The following TERT variants were observed in gnomAD, a reference collection of about 807,000 sequenced individuals.
TERT encodes telomerase catalytic subunit.
Under a neutral mutation model 104.0 loss-of-function variants are expected in TERT, and 42 were observed. The observed-to-expected ratio is 0.40, with a 90% CI of 0.32 to 0.52. The LOEUF (loss-of-function observed/expected upper bound fraction) is 0.52. Among genes scored for constraint, TERT ranks in the 20% least tolerant of loss-of-function variants. The probability of loss-of-function intolerance (pLI) is 0.43; values close to 1 mark genes in which losing one functional copy is unlikely to be tolerated. For synonymous variants in TERT, 781 were observed against 725.6 expected, an observed-to-expected ratio of 1.08 and a Z score of -1.23; for missense variants, 1,101 against 1,610.3, an observed-to-expected ratio of 0.68 and a Z score of 5.41.
chr5:1,279,174 T>C, intron 5 of TERT, 117 bp downstream of exon 5: 1 of 1,195,866 alleles, frequency 8.4e-7, no homozygotes, highest in Non-Finnish European at 1.2e-6. Flanking sequence ...AGTGACAGGG[T>C]CACCTGCACT....
rs33988305 is a variant in TERT, at chr5:1,268,465, C to T, written c.2582+55G>A. 4,046 of 1,304,168 alleles carry T rather than the reference C, an allele frequency of 3.1e-3. 113 individuals carry two copies. In the African/African-American group the frequency reaches 0.054, roughly 17 times the overall value. 80.8% of individuals were successfully genotyped at this position (1,304,168 alleles called of 1,614,324 possible). ...GCACCAGGAATATTAACACTGAATG[C>T]ATCAAAAGCAAATCAACCCCCACCC... On this transcript the variant is annotated intron_variant, in intron 9 of 15. Transcript: ENST00000310581. The surrounding 1 kb of genome is among the most constrained non-coding windows in gnomAD (Gnocchi z 5.5).
At chr5:1,276,805 A>G (rs764791683) in intron 6 of TERT, among the ~76,000 whole-genome samples, 14 of 152,254 alleles carry the variant, frequency 9.2e-5, no homozygotes, top group Admixed American at 5.9e-4. Context: ...TCCTGCAGAG[A>G]ACACAAACAG....
intron 6 of TERT, among the ~76,000 whole-genome samples, chr5:1,272,586 T>C (rs6885542): frequency 0.62 from 10,113 of 16,324 alleles, 2,689 homozygotes; most frequent in East Asian, 0.78. Context: ...CATCAGACCC[T>C]ACGACCGCCA....
At chr5:1,271,014 C>T in intron 8 of TERT, 105 bp downstream of exon 8, 1 of 923,402 alleles carries the variant, frequency 1.1e-6, no homozygotes, top group South Asian at 1.5e-5. Flanking sequence ...CTCTGGTGGC[C>T]CCGGGCAGAA....
intron 15 of TERT, 137 bp from the exon 16 acceptor site, chr5:1,253,968 C>G: frequency 1.5e-5 from 14 of 949,226 alleles, no homozygotes; most frequent in Non-Finnish European, 2.1e-5. Context: ...AGTGAAGGGA[C>G]AGACACCCCT....
chr5:1,282,607 C>T lies in TERT; in HGVS notation c.1591G>A (p.Ala531Thr). 6.2e-7 allele frequency: 1 copy of T among 1,614,036 alleles called. No individual in the cohort carries two copies. The highest frequency in any genetic ancestry group is 8.5e-7 in the Non-Finnish European group (1 of 1,180,012). ...TCCTCACGCAGACGGTGCTCTGCGG[C>T]CGGAACACAGCCAACCCCTTAAACG... is the stretch of plus-strand genomic sequence containing the variant. ...RRSPGVGCVPAAEHRLREEIL... is the reference protein window; with the variant it reads ...RRSPGVGCVPTAEHRLREEIL... Residue 531 changes from alanine to threonine, a missense_variant, in exon 3 of 16, where the codon GCC (alanine) becomes ACC (threonine). Physicochemically the swap from Ala to Thr is moderately conservative, Grantham distance 58. Around this residue, in one of 5 missense-constraint regions of TERT, gnomAD observed 504 missense variants for 544.6 expected, o/e 0.93. Coordinates refer to ENST00000310581, the MANE Select transcript of TERT (RefSeq NM_198253.3).
In TERT at chr5:1,271,044, GGA is replaced by G. The variant is rs1452719582; in HGVS notation, c.2468+73_2468+74del. The G allele has an allele frequency of 2.5e-6, 3 of 1,211,666 alleles. No individual in the cohort carries two copies. The East Asian group carries it at 7.1e-5, about 29-fold the overall frequency. The allele number at this position is 1,211,666 out of a possible 1,614,324, so 75.1% of individuals were successfully genotyped here. On this transcript the variant is annotated intron_variant, in intron 8 of 15. Transcript: ENST00000310581. Reference sequence around the variant, plus strand: ...GCAGAAGGGCAGTGGGGAAGGGGCAGGAGAGAGGTGAGCAGAAGCCCTGCCAG... The same window carrying G: ...GCAGAAGGGCAGTGGGGAAGGGGCAGGAGAGGTGAGCAGAAGCCCTGCCAG...
Position 1,294,517 on chromosome 5 carries a change from C to A in TERT, c.369G>T (p.Leu123=), listed in dbSNP as rs1220227495. 4 of 1,579,076 alleles carry A rather than the reference C, an allele frequency of 2.5e-6. No individual in the cohort carries two copies. Among genetic ancestry groups the A allele is most frequent in the Non-Finnish European group, 3.4e-6 (4 of 1,170,526 alleles). Residue 123 remains leucine, a synonymous_variant, in exon 2 of 16, where the codon CTG becomes CTT. Coordinates refer to ENST00000310581, the MANE Select transcript of TERT (RefSeq NM_198253.3). ...EAFTTSVRSY[L]PNTVTDALRG... ...GCAGTGCGTCGGTCACCGTGTTGGG[C>A]AGGTAGCTGCGCACGCTGGTGGTGA... is the stretch of plus-strand genomic sequence containing the variant.
Position 1,268,641 on chromosome 5 carries a change from G to A in TERT, c.2469-8C>T, listed in dbSNP as rs755942852. The A allele has an allele frequency of 5.6e-6, 9 of 1,600,748 alleles. No homozygotes were observed. Among genetic ancestry groups the A allele is most frequent in the East Asian group, 2.2e-5 (1 of 44,732 alleles). On this transcript the variant is annotated splice_polypyrimidine_tract_variant and splice_region_variant and intron_variant, in intron 8 of 15. Transcript: ENST00000310581. The surrounding 1 kb of genome is among the most constrained non-coding windows in gnomAD (Gnocchi z 5.5). Reference sequence around the variant, plus strand: ...TGGCACTGGACGTAGGACCTGGGGCGGGAAGACACAGGTGAGAGACGGGCA... The same window carrying A: ...TGGCACTGGACGTAGGACCTGGGGCAGGAAGACACAGGTGAGAGACGGGCA...
chr5:1,254,012 G>A (rs912425119), intron 15 of TERT, among the ~76,000 whole-genome samples, 181 bp from the exon 16 acceptor site: 41 of 152,212 alleles, frequency 2.7e-4, no homozygotes, highest in African/African-American at 8.9e-4. Context: ...GCCCAGTGAC[G>A]CTGGAGCGGC....
At chr5:1,285,794 T>G (rs1561207798) in intron 2 of TERT, among the ~76,000 whole-genome samples, 1 of 152,002 alleles carries the variant, frequency 6.6e-6, no homozygotes, top group Non-Finnish European at 1.5e-5. Flanking sequence ...GGTCTCGACC[T>G]CCTGACCTCG....
intron 5 of TERT, 47 bp from the exon 6 acceptor site, chr5:1,278,843 CAGA>C: frequency 6.2e-7 from 1 of 1,612,350 alleles, no homozygotes; most frequent in Middle Eastern, 1.6e-4. Context: ...CGCAGAAACT[CAGA>C]CATCACCTCT....
Position 1,294,278 on chromosome 5 carries a change from C to G in TERT, c.608G>C (p.Trp203Ser), listed in dbSNP as rs1751227721. 3.1e-6 allele frequency: 5 copies of G among 1,594,174 alleles called. No homozygotes were observed. The highest frequency in any genetic ancestry group is 4.2e-6 in the Non-Finnish European group (5 of 1,176,528). ...PRRRLGCERA[W>S]NHSVREAGVP... is the part of the protein sequence containing the mutation. ...CCCGGCCTCCCTGACGCTATGGTTC[C>G]AGGCCCGTTCGCATCCCAGACGCCT... Residue 203 changes from tryptophan (W) to serine (S), a missense_variant, in exon 2 of 16, where the codon TGG (tryptophan) becomes TCG (serine). By Grantham distance (177) the Trp-to-Ser change is radical. This residue lies in a region of TERT where 504 missense variants were observed against 544.6 expected (regional missense o/e 0.93). Transcript: ENST00000310581.
chr5:1,257,380 G>A lies in TERT; in HGVS notation c.3032+1218C>T, dbSNP rs1747823750. Among the ~76,000 whole-genome samples, 1 of 152,090 alleles carries A rather than the reference G, an allele frequency of 6.6e-6. No homozygotes were observed. The highest frequency in any genetic ancestry group is 2.4e-5 in the African/African-American group (1 of 41,430). ...CCCAAGCACGCCAGCTGGACCCTGG[G>A]GTCAACCACAGTGTCAGACACCTCC... On this transcript the variant is annotated intron_variant, in intron 13 of 15. Transcript: ENST00000310581. The surrounding 1 kb of genome is among the most constrained non-coding windows in gnomAD (Gnocchi z 5.6).
chr5:1,259,850 G>C (rs576998566), intron 12 of TERT, among the ~76,000 whole-genome samples: 4 of 144,990 alleles, frequency 2.8e-5, no homozygotes, highest in Non-Finnish European at 4.5e-5. Flanking sequence ...CCACAGGAGG[G>C]GGGAGTGGAC....
chr5:1,294,022 C>G lies in TERT; in HGVS notation c.864G>C (p.Ala288=). ...PAEEATSLEG[A]LSGTRHSHPS... The stretch of plus-strand genomic sequence containing the variant: ...GGTGGGAGTGGCGCGTGCCAGAGAG[C>G]GCACCCTCCAAAGAGGTGGCTTCTT... Residue 288 remains alanine, a synonymous_variant, in exon 2 of 16, where the codon GCG becomes GCC. Transcript: ENST00000310581. 1 of 1,594,310 alleles carries G rather than the reference C, an allele frequency of 6.3e-7. No individual in the cohort carries two copies. Among genetic ancestry groups the G allele is most frequent in the Non-Finnish European group, 8.5e-7 (1 of 1,172,620 alleles).
Position 1,292,710 on chromosome 5 carries a change from A to T in TERT, c.1573+603T>A, listed in dbSNP as rs1751071329. 6.6e-6 allele frequency among the ~76,000 whole-genome samples: 1 copy of T among 152,050 alleles called. No individual in the cohort carries two copies. Among genetic ancestry groups the T allele is most frequent in the Admixed American group, 6.5e-5 (1 of 15,268 alleles). On this transcript the variant is annotated intron_variant, in intron 2 of 15. Coordinates refer to ENST00000310581, the MANE Select transcript of TERT (RefSeq NM_198253.3). This position sits in a 1 kb window ranked among gnomAD's most constrained non-coding sequence, Gnocchi z 5.5. ...GTATTTTTAGTACAGATAGGGTTTCACCATGTTGGTCAGGCTGGTCTCAAA... is the reference window on the plus strand; with the variant it reads ...GTATTTTTAGTACAGATAGGGTTTCTCCATGTTGGTCAGGCTGGTCTCAAA...
intron 12 of TERT, 38 bp from the exon 13 acceptor site, chr5:1,258,697 C>G: frequency 2.6e-6 from 4 of 1,526,300 alleles, no homozygotes; most frequent in Non-Finnish European, 3.6e-6. Context: ...CGGTAGAAAC[C>G]TCTCTGGGAT....
chr5:1,279,592 C>A, intron 4 of TERT, 122 bp from the exon 5 acceptor site: 1 of 970,348 alleles, frequency 1.0e-6, no homozygotes. Flanking sequence ...GACCCGGGAC[C>A]TAGAACCCCT....
Sources: gnomAD v4.1 joint callset for allele counts (sites outside exome capture counted in the v4.1 genomes callset) on GRCh38, gnomAD v4.1.1 for gene constraint, gnomAD v4.1.1 regional missense constraint, Gnocchi (gnomAD v3.1) non-coding constraint, MANE v1.5 for transcripts, NCBI Gene and HGNC (gene_info 2026-07-23, HGNC 2026-07-21) for gene names.